NRG1: variants seen among roughly 807,000 people sequenced by gnomAD.
NRG1 encodes pro-neuregulin-1, membrane-bound isoform.
Under a neutral mutation model 63.8 loss-of-function variants are expected in NRG1, and 18 were observed. The observed-to-expected ratio is 0.28, with a 90% CI of 0.19 to 0.42. The LOEUF (loss-of-function observed/expected upper bound fraction) is 0.42. NRG1 is among the 10% of genes least tolerant of loss of function. The pLI, the probability that NRG1 is intolerant of heterozygous loss-of-function variation, is 1.00. For synonymous variants in NRG1, 302 were observed against 301.3 expected, an observed-to-expected ratio of 1.00 and a Z score of -0.02; for missense variants, 762 against 814.7, an observed-to-expected ratio of 0.94 and a Z score of 0.79.
chr8:31,640,970 T>A lies in NRG1; in HGVS notation c.37+1539T>A, dbSNP rs1208143515. The stretch of plus-strand genomic sequence containing the variant: ...AGTTTAGTCCTGGGTTGGGGCCTCC[T>A]GAAACTTTTTAATCCTTTGGGGTTT... On this transcript the variant is annotated intron_variant, in intron 1 of 10. Transcript: ENST00000519301. This position sits in a 1 kb window ranked among gnomAD's most constrained non-coding sequence, Gnocchi z 6.3. Among the ~76,000 whole-genome samples, 1 of 152,216 alleles carries A rather than the reference T, an allele frequency of 6.6e-6. No homozygotes were observed. Among genetic ancestry groups the A allele is most frequent in the Non-Finnish European group, 1.5e-5 (1 of 68,036 alleles).
At chr8:32,696,032 T>C (rs1314125844) in intron 5 of NRG1, among the ~76,000 whole-genome samples, 1 of 152,046 alleles carries the variant, frequency 6.6e-6, no homozygotes, top group Non-Finnish European at 1.5e-5. Flanking sequence ...CTTCCCAGAG[T>C]GTTTGCCAGT....
intron 1 of NRG1, among the ~76,000 whole-genome samples, chr8:31,736,731 G>A (rs1023321395): frequency 2.0e-5 from 3 of 152,128 alleles, no homozygotes; most frequent in Admixed American, 2.0e-4. Context: ...TACTTTACAC[G>A]AAGTAAACAC....
intron 1 of NRG1, among the ~76,000 whole-genome samples, chr8:31,900,700 C>T (rs1037863485): frequency 2.6e-5 from 4 of 152,170 alleles, no homozygotes; most frequent in Middle Eastern, 3.2e-3. Context: ...CTGACTGCTT[C>T]GTGGCGTATA....
At chr8:32,532,760 A>G (rs1358755116) in intron 1 of NRG1, among the ~76,000 whole-genome samples, 1 of 152,018 alleles carries the variant, frequency 6.6e-6, no homozygotes, top group East Asian at 1.9e-4. Context: ...GAAACCTTTA[A>G]AAGGCCTCCC....
chr8:32,244,839 G>C (rs902628426), intron 1 of NRG1, among the ~76,000 whole-genome samples: 2 of 152,174 alleles, frequency 1.3e-5, no homozygotes, highest in Non-Finnish European at 2.9e-5. Flanking sequence ...TAGAGATCAG[G>C]CTCCTTAAAA....
intron 1 of NRG1, among the ~76,000 whole-genome samples, chr8:32,319,502 A>G (rs150393002): frequency 6.6e-6 from 1 of 152,168 alleles, no homozygotes; most frequent in Non-Finnish European, 1.5e-5. Flanking sequence ...AGAGTCTTCT[A>G]TGTGCAAACA....
chr8:32,354,734 A>AAATG, intron 1 of NRG1, among the ~76,000 whole-genome samples: 1 of 150,620 alleles, frequency 6.6e-6, no homozygotes, highest in East Asian at 2.0e-4. Flanking sequence ...ATAAATAAAT[A>AAATG]AATAAATAAA....
At chr8:31,890,271 C>A (rs1313832224) in intron 1 of NRG1, among the ~76,000 whole-genome samples, 1 of 152,128 alleles carries the variant, frequency 6.6e-6, no homozygotes, top group Non-Finnish European at 1.5e-5. Flanking sequence ...AAGATATCTA[C>A]CTTGGTATCC....
intron 1 of NRG1, among the ~76,000 whole-genome samples, chr8:31,731,881 T>A (rs928552692): frequency 3.9e-5 from 6 of 152,166 alleles, no homozygotes; most frequent in African/African-American, 1.4e-4. Context: ...TATGAGTCAT[T>A]TGACCCAATA....
intron 1 of NRG1, among the ~76,000 whole-genome samples, chr8:31,910,940 CTCATAATTAGTGCA>C (rs1432401971): frequency 6.6e-6 from 1 of 152,064 alleles, no homozygotes; most frequent in Admixed American, 6.6e-5. Flanking sequence ...CAGGACCAGC[CTCATAATTAGTGCA>C]TCTTTCAAGG....
chr8:32,475,757 G>A (rs1015754990), intron 1 of NRG1, among the ~76,000 whole-genome samples: 2 of 152,086 alleles, frequency 1.3e-5, no homozygotes, highest in African/African-American at 4.8e-5. Flanking sequence ...TGTGGCAGAG[G>A]GAAAAGAAGA....
At chr8:32,186,953 C>T (rs1842031811) in intron 1 of NRG1, among the ~76,000 whole-genome samples, 1 of 152,176 alleles carries the variant, frequency 6.6e-6, no homozygotes, top group Non-Finnish European at 1.5e-5. Context: ...AAATCATAGA[C>T]TTCCCCCTAC....
At chr8:31,700,909 A>G (rs1030573488) in intron 1 of NRG1, among the ~76,000 whole-genome samples, 1 of 152,148 alleles carries the variant, frequency 6.6e-6, no homozygotes, top group African/African-American at 2.4e-5. Flanking sequence ...ATTGTGGTAG[A>G]ATGAGGGACA....
intron 1 of NRG1, among the ~76,000 whole-genome samples, chr8:32,493,000 C>T (rs1212450404): frequency 6.6e-6 from 1 of 152,042 alleles, no homozygotes; most frequent in East Asian, 1.9e-4. Flanking sequence ...TAACACAGAG[C>T]TTTTCCATCC....
chr8:32,373,763 G>A (rs1363334756), intron 1 of NRG1, among the ~76,000 whole-genome samples: 2 of 152,112 alleles, frequency 1.3e-5, no homozygotes, highest in African/African-American at 4.8e-5. Flanking sequence ...GGGTGACAGA[G>A]CGAGATCCTG....
intron 1 of NRG1, among the ~76,000 whole-genome samples, chr8:32,555,523 G>A (rs1834957109): frequency 6.6e-6 from 1 of 152,218 alleles, no homozygotes; most frequent in African/African-American, 2.4e-5. Flanking sequence ...CCAGGCTGGA[G>A]TGCAGTGGTG....
intron 5 of NRG1, among the ~76,000 whole-genome samples, chr8:32,645,790 A>G (rs1021032499): frequency 2.0e-5 from 3 of 152,204 alleles, no homozygotes; most frequent in Non-Finnish European, 4.4e-5. Context: ...GTTCAGATGC[A>G]TATTGTGTGC....
chr8:32,759,069 C>G (rs890900175), intron 9 of NRG1, among the ~76,000 whole-genome samples: 2 of 151,232 alleles, frequency 1.3e-5, no homozygotes, highest in Non-Finnish European at 2.9e-5. Flanking sequence ...ACATTGGATG[C>G]ACATCCAGAG....
intron 1 of NRG1, among the ~76,000 whole-genome samples, chr8:31,929,818 C>T (rs1212307572): frequency 6.6e-6 from 1 of 152,210 alleles, no homozygotes; most frequent in Non-Finnish European, 1.5e-5. Context: ...ATCATTCCTT[C>T]AGTACTCCTA....
Sources: gnomAD v4.1 joint callset for allele counts (sites outside exome capture counted in the v4.1 genomes callset) on GRCh38, gnomAD v4.1.1 for gene constraint, Gnocchi (gnomAD v3.1) non-coding constraint, MANE v1.5 for transcripts, NCBI Gene and HGNC (gene_info 2026-07-23, HGNC 2026-07-21) for gene names.